Variants in MYRIP observed in about 807,000 individuals in gnomAD.
MYRIP encodes rab effector MyRIP.
MYRIP carries 49 observed loss-of-function variants against 98.0 expected under a neutral mutation model. That is an observed-to-expected ratio of 0.50 (90% confidence interval 0.40 to 0.63). The LOEUF (loss-of-function observed/expected upper bound fraction) is 0.63. MYRIP is among the 30% of genes least tolerant of loss of function. The probability of loss-of-function intolerance (pLI) is 0.00; values close to 1 mark genes in which losing one functional copy is unlikely to be tolerated. For missense variants in MYRIP, 1,004 were observed against 1,058.2 expected (o/e 0.95, Z 0.71); for synonymous variants, 404 against 409.5 (o/e 0.99, Z 0.16).
At chr3:39,823,902 T>C (rs1941190163) in intron 1 of MYRIP, among the ~76,000 whole-genome samples, 1 of 152,206 alleles carries the variant, frequency 6.6e-6, no homozygotes, top group African/African-American at 2.4e-5. Context: ...CCCATGCTTT[T>C]GAAGTCTTAT....
chr3:40,050,523 G>C (rs1459825804), intron 3 of MYRIP, among the ~76,000 whole-genome samples: 1 of 151,950 alleles, frequency 6.6e-6, no homozygotes, highest in Non-Finnish European at 1.5e-5. Flanking sequence ...TGATCACCTG[G>C]GAGCTCTGAT....
At chr3:39,884,531 A>T (rs1050145022) in intron 1 of MYRIP, among the ~76,000 whole-genome samples, 7 of 152,082 alleles carry the variant, frequency 4.6e-5, no homozygotes, top group African/African-American at 1.4e-4. Flanking sequence ...TTAATATAAA[A>T]CACTGACCTC....
At chr3:40,213,185 C>G (rs1443193332) in intron 11 of MYRIP, among the ~76,000 whole-genome samples, 2 of 152,134 alleles carry the variant, frequency 1.3e-5, no homozygotes, top group African/African-American at 4.8e-5. Flanking sequence ...TCATGTCTGT[C>G]TTGCTTTTTA....
intron 2 of MYRIP, 58 bp from the exon 3 acceptor site, chr3:40,043,992 C>T (rs1947608791): frequency 2.0e-6 from 3 of 1,535,316 alleles, no homozygotes; most frequent in African/African-American, 2.7e-5. Context: ...GGGAGACACC[C>T]CCTGACCTGA....
At chr3:40,015,929 C>T (rs1296315509) in intron 2 of MYRIP, among the ~76,000 whole-genome samples, 3 of 152,174 alleles carry the variant, frequency 2.0e-5, no homozygotes, top group Non-Finnish European at 4.4e-5. Context: ...ACTGAAACCA[C>T]TCTTCCTAGT....
rs534154054 is a variant in MYRIP, at chr3:39,830,756, C to T, written c.-31+20840C>T. On this transcript the variant is annotated intron_variant, in intron 1 of 16. Coordinates refer to ENST00000302541, the MANE Select transcript of MYRIP (RefSeq NM_015460.4). ...CTTACAAATATGTTATTTTTCTTTT[C>T]TTGGAAAAACTCCCTCTTTAGCTTA... Among the ~76,000 whole-genome samples the T allele has an allele frequency of 5.6e-4, 85 of 152,214 alleles. No homozygotes were observed. In the Middle Eastern group the frequency reaches 0.014, roughly 24 times the overall value.
chr3:40,139,383 A>G (rs1949847858), intron 3 of MYRIP, among the ~76,000 whole-genome samples: 1 of 152,204 alleles, frequency 6.6e-6, no homozygotes, highest in Non-Finnish European at 1.5e-5. Context: ...CTTCTTGAGA[A>G]GTTATGTTGT....
intron 2 of MYRIP, among the ~76,000 whole-genome samples, chr3:39,914,260 G>A (rs534640687): frequency 6.6e-6 from 1 of 152,050 alleles, no homozygotes; most frequent in Non-Finnish European, 1.5e-5. Context: ...ATTAATTAGG[G>A]CCTGTTAACT....
intron 1 of MYRIP, among the ~76,000 whole-genome samples, chr3:39,869,658 T>A (rs974116156): frequency 6.6e-6 from 1 of 152,352 alleles, no homozygotes; most frequent in East Asian, 1.9e-4. Flanking sequence ...AAGCTGAGAA[T>A]CTGTTTTACC....
intron 5 of MYRIP, among the ~76,000 whole-genome samples, chr3:40,166,146 A>G (rs997302771): frequency 6.6e-6 from 1 of 152,224 alleles, no homozygotes; most frequent in Non-Finnish European, 1.5e-5. Flanking sequence ...TGATAGTCCA[A>G]AAAATTATAC....
intron 2 of MYRIP, among the ~76,000 whole-genome samples, chr3:40,038,408 G>A (rs1338676636): frequency 6.6e-6 from 1 of 151,990 alleles, no homozygotes; most frequent in African/African-American, 2.4e-5. Context: ...GATAAGACTG[G>A]ACTTTATTGC....
intron 3 of MYRIP, among the ~76,000 whole-genome samples, chr3:40,134,124 C>T (rs536354333): frequency 6.6e-6 from 1 of 152,290 alleles, no homozygotes; most frequent in Non-Finnish European, 1.5e-5. Flanking sequence ...TCAGGGAATT[C>T]CCTTTCCGAG....
chr3:39,983,055 C>T (rs1028930230), intron 2 of MYRIP, among the ~76,000 whole-genome samples: 10 of 152,180 alleles, frequency 6.6e-5, no homozygotes, highest in African/African-American at 2.2e-4. Context: ...GAAACTTCTT[C>T]GGAAATCTTT....
intron 3 of MYRIP, among the ~76,000 whole-genome samples, chr3:40,117,387 C>A (rs66879105): frequency 6.6e-6 from 1 of 152,032 alleles, no homozygotes; most frequent in Admixed American, 6.6e-5. Context: ...CACAACCTCC[C>A]CCCTTTTAAA....
intron 3 of MYRIP, among the ~76,000 whole-genome samples, chr3:40,068,624 C>T (rs1446068960): frequency 1.3e-5 from 2 of 152,168 alleles, no homozygotes; most frequent in Non-Finnish European, 2.9e-5. Flanking sequence ...ACATACAAAT[C>T]AAGGATACTA....
chr3:39,849,365 A>T (rs1310014977), intron 1 of MYRIP, among the ~76,000 whole-genome samples: 3 of 152,226 alleles, frequency 2.0e-5, no homozygotes, highest in African/African-American at 7.2e-5. Flanking sequence ...TTCCGAGTCT[A>T]ATACTGAAGC....
At chr3:39,885,216 A>G (rs1041303080) in intron 1 of MYRIP, among the ~76,000 whole-genome samples, 1 of 151,488 alleles carries the variant, frequency 6.6e-6, no homozygotes, top group African/African-American at 2.4e-5. Flanking sequence ...GTCTATTTTT[A>G]TATTGGGTTT....
At chr3:40,155,730 C>G (rs902514917) in intron 4 of MYRIP, among the ~76,000 whole-genome samples, 6 of 151,948 alleles carry the variant, frequency 3.9e-5, no homozygotes, top group African/African-American at 1.5e-4. Flanking sequence ...ATTTGCATTT[C>G]TCTGATGGCC....
intron 4 of MYRIP, among the ~76,000 whole-genome samples, chr3:40,160,232 G>T (rs1265301064): frequency 1.3e-5 from 2 of 152,244 alleles, no homozygotes; most frequent in Non-Finnish European, 2.9e-5. Flanking sequence ...CTCAGCTGCA[G>T]GTCTGTTGGA....
Sources: allele counts gnomAD v4.1 joint callset (sites outside exome capture counted in the v4.1 genomes callset), GRCh38; gene constraint gnomAD v4.1.1; transcripts MANE v1.5; gene names NCBI Gene and HGNC (gene_info 2026-07-23, HGNC 2026-07-21).